Variants in AFAP1L2 observed in about 807,000 individuals in gnomAD.
The protein encoded by AFAP1L2 is actin filament-associated protein 1-like 2.
In AFAP1L2, 46 loss-of-function variants were observed where a neutral mutation model predicts 99.3. That is an observed-to-expected ratio of 0.46 (90% CI 0.37 to 0.59). The LOEUF (loss-of-function observed/expected upper bound fraction) is 0.59, where lower values mean the gene tolerates loss of function less well. AFAP1L2 is among the 20% of genes least tolerant of loss of function. AFAP1L2 has a pLI of 0.00. For missense variants in AFAP1L2, 959 were observed against 1,034.9 expected (o/e 0.93, Z 1.01); for synonymous variants, 397 against 419.1 (o/e 0.95, Z 0.64).
chr10:114,313,482 G>A (rs2043591436), intron 7 of AFAP1L2, among the ~76,000 whole-genome samples: 1 of 152,132 alleles, frequency 6.6e-6, no homozygotes, highest in Non-Finnish European at 1.5e-5. Flanking sequence ...CACCACTCCT[G>A]TAAAATGGGG....
Position 114,320,775 on chromosome 10 carries a change from G to A in AFAP1L2, c.406+2396C>T, listed in dbSNP as rs149996980. The stretch of plus-strand genomic sequence containing the variant: ...GACCCACAAACCGGCCCCCTGGTGC[G>A]TCTGGCAGGCAGGCCCCTGCTGGCC... On this transcript the variant is annotated intron_variant, in intron 5 of 18. Transcript: ENST00000304129. Among the ~76,000 whole-genome samples the A allele has an allele frequency of 3.6e-3, 543 of 152,346 alleles. 4 individuals are homozygous for A. The highest frequency in any genetic ancestry group is 0.012 in the African/African-American group (506 of 41,580).
downstream of AFAP1L2, chr10:114,294,808 A>G (rs138603987): frequency 1.1e-5 from 11 of 982,976 alleles, no homozygotes; most frequent in African/African-American, 1.9e-4. Context: ...AAGTCATTTC[A>G]TGAACTGAGG....
Position 114,301,440 on chromosome 10 carries a change from G to T in AFAP1L2, c.1456C>A (p.Pro486Thr), listed in dbSNP as rs1024883520. Residue 486 changes from proline (P) to threonine (T), a missense_variant, in exon 13 of 19, where the codon CCC becomes ACC. Pro to Thr is a conservative substitution (Grantham distance 38, BLOSUM62 -1). This residue lies in a region of AFAP1L2 where 576 missense variants were observed against 562.1 expected (regional missense o/e 1.02). Transcript: ENST00000304129. ...LLLMQRKFSE[P>T]NTYIDGLPSQ... ...GGCAGGCCATCGATGTAAGTGTTGG[G>T]CTCTGAGAACTTTCTCTGCATCAGT... 1 of 1,613,974 alleles carries T rather than the reference G, an allele frequency of 6.2e-7. No homozygotes were observed. Among genetic ancestry groups the T allele is most frequent in the Non-Finnish European group, 8.5e-7 (1 of 1,179,908 alleles).
intron 5 of AFAP1L2, among the ~76,000 whole-genome samples, chr10:114,322,399 TGCTG>T (rs2045505664): frequency 1.3e-5 from 2 of 152,214 alleles, no homozygotes; most frequent in African/African-American, 4.8e-5. Context: ...GCTCCTGCCA[TGCTG>T]GCCTCCTTGT....
At chr10:114,358,179 C>T (rs779157159) in intron 1 of AFAP1L2, among the ~76,000 whole-genome samples, 3 of 152,104 alleles carry the variant, frequency 2.0e-5, no homozygotes, top group African/African-American at 4.8e-5. Flanking sequence ...CCTCTAAATT[C>T]GGCAACAAGG....
At chr10:114,340,833 G>A (rs778858206) in intron 1 of AFAP1L2, 102 bp from the exon 2 acceptor site, 55 of 1,524,056 alleles carry the variant, frequency 3.6e-5, no homozygotes, top group Non-Finnish European at 5.0e-5. Context: ...CGAACCCTCT[G>A]GTCCCAAGAG....
intron 15 of AFAP1L2, among the ~76,000 whole-genome samples, chr10:114,299,964 C>T (rs562277465): frequency 4.3e-4 from 65 of 152,338 alleles, no homozygotes; most frequent in Non-Finnish European, 8.2e-4. Context: ...GAAGGCTGCA[C>T]TGTCGGCTTC....
At chr10:114,369,366 C>A (rs1169829981) in intron 1 of AFAP1L2, among the ~76,000 whole-genome samples, 3 of 152,108 alleles carry the variant, frequency 2.0e-5, no homozygotes, top group Non-Finnish European at 4.4e-5. Context: ...GAGGCCGAGG[C>A]GGGCGGATCA....
In AFAP1L2 at chr10:114,394,862, A is replaced by T. The variant is rs1197668645; in HGVS notation, c.16+9578T>A. 2.0e-5 allele frequency among the ~76,000 whole-genome samples: 3 copies of T among 152,116 alleles called. No individual in the cohort carries two copies. The East Asian group carries it at 5.8e-4, about 29-fold the overall frequency. ...GGAGACATGAGTCTCACCCAGCTCA[A>T]GTACCTGCCCCTGCTCTCTCAGGAG... On this transcript the variant is annotated intron_variant, in intron 1 of 18. Transcript: ENST00000304129.
At position 114,340,591 on chromosome 10, in the gene AFAP1L2, G is replaced by T; in HGVS notation, c.145+12C>A. 1 of 1,613,120 alleles carries T rather than the reference G, an allele frequency of 6.2e-7. No homozygotes were observed. The highest frequency in any genetic ancestry group is 1.3e-5 in the African/African-American group (1 of 75,014). On this transcript the variant is annotated intron_variant, in intron 2 of 18. Transcript: ENST00000304129. ...CGTGGAGGCCTCTGCACCACCCAGG[G>T]CCCACACTCACTGCTGCTTTTGGTG...
intron 1 of AFAP1L2, among the ~76,000 whole-genome samples, chr10:114,375,038 G>A (rs1306516979): frequency 6.6e-6 from 1 of 152,106 alleles, no homozygotes; most frequent in African/African-American, 2.4e-5. Flanking sequence ...TCTAGAACAG[G>A]GGTCAGTGAA....
At chr10:114,289,259 G>C in the AFAP1L2 span, 1 of 1,614,168 alleles carries the variant, frequency 6.2e-7, no homozygotes, top group Non-Finnish European at 8.5e-7. Flanking sequence ...GCCCGGCCTG[G>C]TGTCCCCAAA....
At chr10:114,317,684 C>G (rs1036461082) in intron 5 of AFAP1L2, among the ~76,000 whole-genome samples, 1 of 152,148 alleles carries the variant, frequency 6.6e-6, no homozygotes, top group African/African-American at 2.4e-5. Flanking sequence ...CATGGCAGAA[C>G]CCCATCTCTA....
intron 1 of AFAP1L2, among the ~76,000 whole-genome samples, chr10:114,344,021 C>T (rs566708774): frequency 6.6e-6 from 1 of 152,294 alleles, no homozygotes; most frequent in South Asian, 2.1e-4. Context: ...CAACTCTTGC[C>T]TGAGATAAAG....
At chr10:114,282,649 C>A in the AFAP1L2 span, 2 of 1,298,934 alleles carry the variant, frequency 1.5e-6, no homozygotes, top group Non-Finnish European at 2.2e-6. Context: ...CTTTTACAAT[C>A]CTGGGACAGA....
chr10:114,313,861 T>A lies in AFAP1L2; in HGVS notation c.792+10A>T. On this transcript the variant is annotated intron_variant, in intron 7 of 18. Transcript: ENST00000304129. ...AGGAACCCCTCCAAGTGGCTCGGTGTCGCCCTCACCCTGAGCCACTGCTCA... is the reference window on the plus strand; with the variant it reads ...AGGAACCCCTCCAAGTGGCTCGGTGACGCCCTCACCCTGAGCCACTGCTCA... 1 of 1,588,280 alleles carries A rather than the reference T, an allele frequency of 6.3e-7. No individual in the cohort carries two copies.
chr10:114,308,579 A>C, intron 8 of AFAP1L2, 62 bp from the exon 9 acceptor site: 1 of 1,422,888 alleles, frequency 7.0e-7, no homozygotes, highest in Non-Finnish European at 9.9e-7. Flanking sequence ...TGGAGACCAC[A>C]ATTGAAGGGA....
intron 1 of AFAP1L2, among the ~76,000 whole-genome samples, chr10:114,387,109 C>A (rs2056598342): frequency 1.3e-5 from 2 of 152,218 alleles, no homozygotes; most frequent in Admixed American, 6.5e-5. Context: ...TAGAACTGAT[C>A]ATTAGTCAGG....
chr10:114,288,299 G>A, the AFAP1L2 span, among the ~76,000 whole-genome samples: 76,228 of 152,086 alleles, frequency 0.5, 20,819 homozygotes, highest in Non-Finnish European at 0.61. Flanking sequence ...TTCCCTCCAC[G>A]CTGCCGACAT....
Sources: allele counts gnomAD v4.1 joint callset (sites outside exome capture counted in the v4.1 genomes callset), GRCh38; gene constraint gnomAD v4.1.1; regional missense constraint gnomAD v4.1.1; transcripts MANE v1.5; gene names NCBI Gene and HGNC (gene_info 2026-07-23, HGNC 2026-07-21).